The following UGGT2 variants were observed in gnomAD, a reference collection of about 807,000 sequenced individuals.
The protein encoded by UGGT2 is UDP-glucose glycoprotein glucosyltransferase 2.
A neutral mutation model predicts 192.1 loss-of-function variants in UGGT2; 180 were observed. That is an observed-to-expected ratio of 0.94 (90% confidence interval 0.83 to 1.06). The LOEUF (loss-of-function observed/expected upper bound fraction) is 1.06, where lower values mean the gene tolerates loss of function less well. Among genes scored for constraint, UGGT2 ranks in the 50% least tolerant of loss-of-function variants. UGGT2 has a pLI of 0.00. For synonymous variants in UGGT2, 580 were observed against 591.0 expected, an observed-to-expected ratio of 0.98 and a Z score of 0.27; for missense variants, 1,849 against 1,795.7, an observed-to-expected ratio of 1.03 and a Z score of -0.54.
chr13:95,949,737 C>T (rs534106085), intron 12 of UGGT2, among the ~76,000 whole-genome samples: 1 of 152,224 alleles, frequency 6.6e-6, no homozygotes, highest in South Asian at 2.1e-4. Flanking sequence ...AATTACTCTC[C>T]ATAAACCACT....
intron 15 of UGGT2, among the ~76,000 whole-genome samples, chr13:95,943,689 CA>C: frequency 6.6e-6 from 1 of 152,084 alleles, no homozygotes; most frequent in East Asian, 1.9e-4. Context: ...ATCTCACAAT[CA>C]ATGGATTCTT....
intron 12 of UGGT2, among the ~76,000 whole-genome samples, chr13:95,960,641 A>T (rs524961): frequency 0.97 from 148,040 of 152,300 alleles, 72,104 homozygotes; most frequent in East Asian, 1. Context: ...AAATAACAGA[A>T]AAAGACTTCC....
chr13:96,027,871 T>C (rs970313854), intron 2 of UGGT2, among the ~76,000 whole-genome samples: 1 of 152,238 alleles, frequency 6.6e-6, no homozygotes, highest in South Asian at 2.1e-4. Context: ...AGGTGCATAA[T>C]ATTCATATTA....
chr13:95,970,379 G>C, intron 11 of UGGT2, 117 bp from the exon 12 acceptor site: 1 of 863,796 alleles, frequency 1.2e-6, no homozygotes, highest in Non-Finnish European at 1.8e-6. Context: ...TTCATTAATA[G>C]CAGGAAAAAT....
At chr13:95,930,791 G>C (rs532375281) in intron 17 of UGGT2, among the ~76,000 whole-genome samples, 1 of 152,284 alleles carries the variant, frequency 6.6e-6, no homozygotes, top group Non-Finnish European at 1.5e-5. Context: ...AGTGTCCAGA[G>C]TTTGTTCCTT....
intron 38 of UGGT2, among the ~76,000 whole-genome samples, chr13:95,828,905 A>T (rs1045902843): frequency 8.5e-5 from 13 of 152,224 alleles, no homozygotes; most frequent in Non-Finnish European, 4.4e-5. Context: ...ATGAACATCA[A>T]TGCAAAAATC....
intron 19 of UGGT2, among the ~76,000 whole-genome samples, chr13:95,926,057 A>G (rs568651863): frequency 2.6e-5 from 4 of 152,244 alleles, no homozygotes; most frequent in African/African-American, 9.6e-5. Flanking sequence ...ATAAGCTTAT[A>G]TAAAACTCCC....
intron 38 of UGGT2, among the ~76,000 whole-genome samples, chr13:95,805,721 CTAGAG>C (rs879483676): frequency 1.4e-4 from 21 of 152,032 alleles, no homozygotes; most frequent in Admixed American, 1.4e-3. Flanking sequence ...TATAAAGTAT[CTAGAG>C]TAGTCAAATT....
At chr13:96,002,193 C>T (rs1332774169) in intron 5 of UGGT2, among the ~76,000 whole-genome samples, 1 of 152,142 alleles carries the variant, frequency 6.6e-6, no homozygotes, top group Non-Finnish European at 1.5e-5. Flanking sequence ...CTCAGCTCTG[C>T]CTTATCTGAC....
intron 12 of UGGT2, among the ~76,000 whole-genome samples, 181 bp downstream of exon 12, chr13:95,969,931 A>G (rs2050716678): frequency 6.6e-6 from 1 of 152,204 alleles, no homozygotes; most frequent in African/African-American, 2.4e-5. Context: ...AACAGAGACT[A>G]TGAAGAAGGA....
At position 96,037,058 on chromosome 13, in the gene UGGT2, G is replaced by C. The variant is rs147464351; in HGVS notation, c.159-5087C>G. On this transcript the variant is annotated intron_variant, in intron 1 of 38. Coordinates refer to ENST00000376747, the MANE Select transcript of UGGT2 (RefSeq NM_020121.4). ...AGAGAAAACAGTTATTTCTACAAAG[G>C]GTGTTTTTATACGCACTAAAGAGTT... 1.8e-4 allele frequency among the ~76,000 whole-genome samples: 28 copies of C among 152,236 alleles called. No homozygotes were observed. The East Asian group carries it at 4.4e-3, about 24-fold the overall frequency.
chr13:95,845,424 C>G (rs568153110), intron 36 of UGGT2, among the ~76,000 whole-genome samples: 1 of 134,512 alleles, frequency 7.4e-6, no homozygotes, highest in African/African-American at 2.7e-5. Context: ...CATCTTGCAC[C>G]GCCCTTAATC....
chr13:95,950,997 AATAATACTTGAAGAAAT>A (rs2050043621), intron 12 of UGGT2, among the ~76,000 whole-genome samples: 1 of 152,202 alleles, frequency 6.6e-6, no homozygotes. Flanking sequence ...GTCTGGAGCA[AATAATACTTGAAGAAAT>A]TAGGTTTCTA....
intron 28 of UGGT2, 81 bp from the exon 29 acceptor site, chr13:95,877,445 A>G: frequency 8.5e-7 from 1 of 1,173,904 alleles, no homozygotes; most frequent in Non-Finnish European, 1.2e-6. Flanking sequence ...GAATGATCTA[A>G]GAAAGTATTT....
intron 12 of UGGT2, among the ~76,000 whole-genome samples, chr13:95,959,275 T>C (rs540609889): frequency 6.6e-6 from 1 of 152,230 alleles, no homozygotes; most frequent in South Asian, 2.1e-4. Flanking sequence ...TGGGGGGACA[T>C]AGGATGAGCA....
At chr13:95,854,544 C>G in intron 34 of UGGT2, 69 bp from the exon 35 acceptor site, 1 of 1,337,890 alleles carries the variant, frequency 7.5e-7, no homozygotes, top group African/African-American at 1.5e-5. Context: ...ATGGGAATCT[C>G]AAATCATTAT....
At chr13:96,015,900 A>G (rs1241162214) in intron 4 of UGGT2, among the ~76,000 whole-genome samples, 2 of 152,212 alleles carry the variant, frequency 1.3e-5, no homozygotes, top group African/African-American at 2.4e-5. Context: ...TCATTACGGT[A>G]TCACTCACTC....
intron 34 of UGGT2, 147 bp from the exon 35 acceptor site, chr13:95,854,622 G>A: frequency 1.5e-6 from 1 of 651,000 alleles, no homozygotes; most frequent in Non-Finnish European, 2.3e-6. Flanking sequence ...TGAATTTACT[G>A]AATTTAACAT....
At chr13:95,813,343 C>G (rs565082618) in intron 38 of UGGT2, among the ~76,000 whole-genome samples, 2 of 152,270 alleles carry the variant, frequency 1.3e-5, no homozygotes, top group East Asian at 3.9e-4. Context: ...GGAACTGGAG[C>G]AAAGTCATAC....
Sources: allele counts gnomAD v4.1 joint callset (sites outside exome capture counted in the v4.1 genomes callset), GRCh38; gene constraint gnomAD v4.1.1; transcripts MANE v1.5; gene names NCBI Gene and HGNC (gene_info 2026-07-23, HGNC 2026-07-21).